SLIT3: variants seen among roughly 807,000 people sequenced by gnomAD.
SLIT3 encodes the protein slit homolog 3 protein.
SLIT3 carries 68 observed loss-of-function variants against 184.0 expected under a neutral mutation model. The observed-to-expected ratio is 0.37, with a 90% CI of 0.30 to 0.45. The LOEUF (loss-of-function observed/expected upper bound fraction) is 0.45, where lower values mean the gene tolerates loss of function less well. Ranked by LOEUF, SLIT3 falls within the 20% of genes least tolerant of loss-of-function variation. The pLI, the probability that SLIT3 is intolerant of heterozygous loss-of-function variation, is 1.00. For missense variants in SLIT3, 1,707 were observed against 2,026.0 expected (o/e 0.84, Z 3.02); for synonymous variants, 831 against 828.6 (o/e 1.00, Z -0.05).
At chr5:168,951,531 C>T (rs1762651246) in intron 4 of SLIT3, among the ~76,000 whole-genome samples, 1 of 152,156 alleles carries the variant, frequency 6.6e-6, no homozygotes, top group African/African-American at 2.4e-5. Flanking sequence ...TCTTGTGAAA[C>T]CCTTACAAAT....
At chr5:168,991,859 T>C (rs1207251439) in intron 4 of SLIT3, among the ~76,000 whole-genome samples, 1 of 149,322 alleles carries the variant, frequency 6.7e-6, no homozygotes, top group African/African-American at 2.4e-5. Flanking sequence ...GACGCCCAAT[T>C]CCCATCAGTC....
intron 5 of SLIT3, among the ~76,000 whole-genome samples, chr5:168,861,810 A>G (rs978294252): frequency 3.9e-5 from 6 of 152,262 alleles, no homozygotes; most frequent in African/African-American, 1.4e-4. Context: ...CCTCACTTTA[A>G]GATGGCCAGA....
intron 4 of SLIT3, among the ~76,000 whole-genome samples, chr5:168,909,547 G>A (rs79207241): frequency 0.025 from 3,794 of 152,238 alleles, 84 homozygotes; most frequent in Non-Finnish European, 0.036. Context: ...TTGAGCTTGC[G>A]TTGTTATTTT....
chr5:168,723,012 A>C lies in SLIT3; in HGVS notation c.2340-8T>G. 5 of 1,611,736 alleles carry C rather than the reference A, an allele frequency of 3.1e-6. No individual in the cohort carries two copies. The South Asian group carries it at 5.5e-5, about 18-fold the overall frequency. ...CTGTTGTTGCTCAGGTCACTAGGAA[A>C]AGTAAAACAGAGGGGTCATGCTTTT... is the stretch of plus-strand genomic sequence containing the variant. On this transcript the variant is annotated splice_polypyrimidine_tract_variant and splice_region_variant and intron_variant, in intron 21 of 35. Transcript: ENST00000519560.
At chr5:168,859,488 T>C (rs1759025539) in intron 5 of SLIT3, among the ~76,000 whole-genome samples, 1 of 152,220 alleles carries the variant, frequency 6.6e-6, no homozygotes, top group Non-Finnish European at 1.5e-5. Flanking sequence ...GGCACAAAGA[T>C]GGCATAAATT....
intron 4 of SLIT3, among the ~76,000 whole-genome samples, chr5:168,921,780 GAGA>G (rs1316468651): frequency 1.3e-5 from 2 of 152,288 alleles, no homozygotes; most frequent in Non-Finnish European, 1.5e-5. Context: ...GAATGACAAG[GAGA>G]AGGAGAACAC....
chr5:168,893,498 G>T (rs1222980484), intron 4 of SLIT3, among the ~76,000 whole-genome samples: 1 of 152,166 alleles, frequency 6.6e-6, no homozygotes, highest in African/African-American at 2.4e-5. Context: ...GGGGAAGGCA[G>T]GGGGAGGAGA....
Position 168,953,326 on chromosome 5 carries a change from C to T in SLIT3, c.414-69990G>A, listed in dbSNP as rs147813529. Among the ~76,000 whole-genome samples, 448 of 152,260 alleles carry T rather than the reference C, an allele frequency of 2.9e-3. 1 individual carries two copies. Among genetic ancestry groups the T allele is most frequent in the African/African-American group, 9.6e-3 (399 of 41,556 alleles). ...TTTACTATGCCCATCTCATCAGTGCCGTTGTGAGGATTCAAAGAAATAGGA... is the reference window on the plus strand; with the variant it reads ...TTTACTATGCCCATCTCATCAGTGCTGTTGTGAGGATTCAAAGAAATAGGA... On this transcript the variant is annotated intron_variant, in intron 4 of 35. Transcript: ENST00000519560.
intron 4 of SLIT3, among the ~76,000 whole-genome samples, chr5:169,157,708 G>T (rs963824727): frequency 6.6e-6 from 1 of 152,120 alleles, no homozygotes; most frequent in African/African-American, 2.4e-5. Flanking sequence ...TATGAGAAAT[G>T]ACAATCAAAA....
intron 4 of SLIT3, among the ~76,000 whole-genome samples, chr5:169,101,121 C>T (rs1478831274): frequency 6.6e-6 from 1 of 152,160 alleles, no homozygotes; most frequent in Admixed American, 6.5e-5. Context: ...TTAGTGTTTC[C>T]ACTTTGATGG....
intron 1 of SLIT3, among the ~76,000 whole-genome samples, chr5:169,256,658 A>G (rs966532180): frequency 3.9e-5 from 6 of 152,190 alleles, no homozygotes. Context: ...CCACCTTCTG[A>G]ATACACAATA....
chr5:169,224,056 T>C (rs1368461791), intron 3 of SLIT3, among the ~76,000 whole-genome samples: 1 of 152,206 alleles, frequency 6.6e-6, no homozygotes, highest in African/African-American at 2.4e-5. Flanking sequence ...AATGGCAAGA[T>C]CATTAGCTTT....
Position 168,892,879 on chromosome 5 carries a change from G to A in SLIT3, c.414-9543C>T, listed in dbSNP as rs751361989. ...ATTATCTCAATTTAGCGACAAGGCA[G>A]TTAGTTACATTAGGTGGGATTGGGG... is the stretch of plus-strand genomic sequence containing the variant. On this transcript the variant is annotated intron_variant, in intron 4 of 35. Transcript: ENST00000519560. Among the ~76,000 whole-genome samples the A allele has an allele frequency of 4.6e-5, 7 of 152,216 alleles. No homozygotes were observed. In the East Asian group the frequency reaches 9.6e-4, roughly 21 times the overall value.
chr5:168,803,268 A>C (rs2089718128), intron 9 of SLIT3, among the ~76,000 whole-genome samples: 1 of 152,254 alleles, frequency 6.6e-6, no homozygotes, highest in Non-Finnish European at 1.5e-5. Context: ...TGATAACAAA[A>C]TAAGGAAGTC....
intron 4 of SLIT3, among the ~76,000 whole-genome samples, chr5:169,109,805 T>A (rs1760347929): frequency 6.6e-6 from 1 of 152,198 alleles, no homozygotes; most frequent in Non-Finnish European, 1.5e-5. Flanking sequence ...CATATTGACT[T>A]CACTCATGAG....
intron 4 of SLIT3, among the ~76,000 whole-genome samples, chr5:169,070,797 C>CAAAAAAAAAAAAAAAAAAA: frequency 8.6e-6 from 1 of 116,068 alleles, no homozygotes; most frequent in Non-Finnish European, 1.8e-5. Context: ...ACATTTTCCT[C>CAAAAAAAAAAAAAAAAAAA]AAAAAAAAAA....
At chr5:168,952,949 A>G (rs1762708920) in intron 4 of SLIT3, among the ~76,000 whole-genome samples, 1 of 152,188 alleles carries the variant, frequency 6.6e-6, no homozygotes. Context: ...AAGAACACAC[A>G]TCAGGGGTGA....
At chr5:169,218,123 G>C (rs890970296) in intron 3 of SLIT3, among the ~76,000 whole-genome samples, 2 of 152,172 alleles carry the variant, frequency 1.3e-5, no homozygotes, top group African/African-American at 4.8e-5. Context: ...ATTTTCATAG[G>C]CCATGCTCCT....
chr5:169,143,923 G>A (rs1484161941), intron 4 of SLIT3, among the ~76,000 whole-genome samples: 2 of 152,176 alleles, frequency 1.3e-5, no homozygotes, highest in African/African-American at 4.8e-5. Flanking sequence ...GGCAAAAAGT[G>A]GAGAGAAAAT....
Sources: allele counts gnomAD v4.1 joint callset (sites outside exome capture counted in the v4.1 genomes callset), GRCh38; gene constraint gnomAD v4.1.1; transcripts MANE v1.5; gene names NCBI Gene and HGNC (gene_info 2026-07-23, HGNC 2026-07-21).